Variants in CRYBG1 observed in about 807,000 individuals in gnomAD.
CRYBG1 encodes crystallin beta-gamma domain containing 1.
In CRYBG1, 139 loss-of-function variants were observed where a neutral mutation model predicts 189.2. The observed-to-expected ratio is 0.73, with a 90% CI of 0.64 to 0.85. CRYBG1 has a LOEUF of 0.85. Ranked by LOEUF, CRYBG1 falls within the 40% of genes least tolerant of loss-of-function variation. The pLI is 0.00. For synonymous variants in CRYBG1, 1,023 were observed against 1,017.1 expected (o/e 1.01, Z -0.11); for missense variants, 2,611 against 2,675.8 (o/e 0.98, Z 0.53).
chr6:106,541,454 C>G (rs1774128336), intron 9 of CRYBG1, 132 bp from the exon 10 acceptor site: 6 of 866,710 alleles, frequency 6.9e-6, no homozygotes, highest in Non-Finnish European at 1.2e-5. Context: ...TTAGAACTAT[C>G]TCACGTAAGT....
intron 1 of CRYBG1, among the ~76,000 whole-genome samples, chr6:106,367,223 A>T (rs1256761480): frequency 1.3e-5 from 2 of 152,020 alleles, no homozygotes; most frequent in African/African-American, 4.8e-5. Flanking sequence ...AGTGACATAA[A>T]CCCTTTTGGG....
At position 106,512,524 on chromosome 6, in the gene CRYBG1, T is replaced by G. The variant is rs1773304493; in HGVS notation, c.1407T>G (p.Ser469=). The G allele has an allele frequency of 6.2e-7, 1 of 1,609,736 alleles. No individual in the cohort carries two copies. The highest frequency in any genetic ancestry group is 8.5e-7 in the Non-Finnish European group (1 of 1,178,606). The stretch of plus-strand genomic sequence containing the variant: ...CCTCGGCGGAAAAGAAAGTGAAATC[T>G]CCGCGGGCAGCCCTCGACGGGGGCG... ...DNASAEKKVK[S]PRAALDGGVA... The change falls in exon 3 of 22, where the codon TCT becomes TCG. Residue 469 remains serine (S), a synonymous_variant. Coordinates refer to ENST00000633556, the MANE Select transcript of CRYBG1 (RefSeq NM_001371242.2).
intron 1 of CRYBG1, among the ~76,000 whole-genome samples, chr6:106,426,622 C>T (rs1220891818): frequency 6.6e-6 from 1 of 152,094 alleles, no homozygotes; most frequent in East Asian, 1.9e-4. Flanking sequence ...TATTTCTTGC[C>T]TGGGTTCTAG....
intron 1 of CRYBG1, among the ~76,000 whole-genome samples, chr6:106,433,613 A>G (rs933345059): frequency 2.0e-5 from 3 of 151,464 alleles, no homozygotes; most frequent in Admixed American, 6.6e-5. Flanking sequence ...GAAGTTCATG[A>G]TATTTCTGGG....
intron 2 of CRYBG1, among the ~76,000 whole-genome samples, chr6:106,496,350 A>C (rs544320430): frequency 4.6e-5 from 7 of 152,336 alleles, no homozygotes; most frequent in South Asian, 4.1e-4. Flanking sequence ...ATAGTTTAAT[A>C]CTTAACACTT....
intron 2 of CRYBG1, among the ~76,000 whole-genome samples, chr6:106,466,631 T>C (rs1213186577): frequency 1.3e-5 from 2 of 152,214 alleles, no homozygotes; most frequent in African/African-American, 4.8e-5. Flanking sequence ...ATTTTATTTA[T>C]GAATAAAGGA....
Position 106,527,460 on chromosome 6 carries a change from A to G in CRYBG1, c.4568A>G (p.His1523Arg), listed in dbSNP as rs778943531. 19 of 1,611,188 alleles carry G rather than the reference A, an allele frequency of 1.2e-5. No homozygotes were observed. Among genetic ancestry groups the G allele is most frequent in the Non-Finnish European group, 1.6e-5 (19 of 1,178,406 alleles). Reference protein sequence around the residue: ...DKPVVIGSIRHVVQDYRVSHI... With the variant: ...DKPVVIGSIRRVVQDYRVSHI... ...CCAGTGGTGATTGGTTCCATCAGAC[A>G]TGTGGTTCAGGTAGGTTGTGGTAAA... The change falls in exon 7 of 22, where the codon CAT becomes CGT. Residue 1523 changes from histidine (H) to arginine (R), a missense_variant. By Grantham distance (29) the His-to-Arg change is conservative. This residue lies in a region of CRYBG1 where 1,622 missense variants were observed against 1,735.0 expected (regional missense o/e 0.93). Transcript: ENST00000633556.
rs775322869 is a variant in CRYBG1, at chr6:106,451,710, G to A, written c.190G>A (p.Asp64Asn). ...TCTTTGCAGAGCTTTGGATGTAGTCGATGGAAAATATGTGGTTCGAGACTC... is the reference window on the plus strand; with the variant it reads ...TCTTTGCAGAGCTTTGGATGTAGTCAATGGAAAATATGTGGTTCGAGACTC... ...AGEARALDVV[D>N]GKYVVRDSQE... Residue 64 changes from aspartate to asparagine, a missense_variant, in exon 2 of 22, where the codon GAT (aspartate) becomes AAT (asparagine). Physicochemically the swap from Asp to Asn is conservative, Grantham distance 23. This residue lies in a region of CRYBG1 where 985 missense variants were observed against 924.4 expected (regional missense o/e 1.07). Transcript: ENST00000633556. The A allele has an allele frequency of 2.5e-5, 38 of 1,533,366 alleles. No individual in the cohort carries two copies. The highest frequency in any genetic ancestry group is 1.6e-4 in the South Asian group (13 of 83,696). 95.0% of individuals were successfully genotyped at this position (1,533,366 alleles called of 1,614,324 possible).
At chr6:106,551,762 A>C in intron 13 of CRYBG1, 90 bp from the exon 14 acceptor site, 1 of 1,401,486 alleles carries the variant, frequency 7.1e-7, no homozygotes, top group Non-Finnish European at 9.9e-7. Context: ...AAACAAATGA[A>C]AGTTTCTGTA....
rs1012875756 is a variant in CRYBG1, at chr6:106,481,264, G to A, written c.312+29432G>A. Among the ~76,000 whole-genome samples, 4 of 150,388 alleles carry A rather than the reference G, an allele frequency of 2.7e-5. 1 individual carries two copies. The highest frequency in any genetic ancestry group is 5.9e-5 in the Non-Finnish European group (4 of 67,696). ...GCTGGGATTACAGGCGTGAGCCACC[G>A]CGCCCGGCCGAGACTCTGTCTTAAG... On this transcript the variant is annotated intron_variant, in intron 2 of 21. Coordinates refer to ENST00000633556, the MANE Select transcript of CRYBG1 (RefSeq NM_001371242.2).
At chr6:106,417,366 C>T (rs1466642652) in intron 1 of CRYBG1, among the ~76,000 whole-genome samples, 4 of 152,038 alleles carry the variant, frequency 2.6e-5, no homozygotes, top group African/African-American at 9.7e-5. Flanking sequence ...AGGCAAGTGG[C>T]CTGAGGGTGA....
chr6:106,430,837 A>T (rs187430287), intron 1 of CRYBG1, among the ~76,000 whole-genome samples: 6 of 152,124 alleles, frequency 3.9e-5, no homozygotes, highest in Non-Finnish European at 8.8e-5. Flanking sequence ...CAGTACAGAG[A>T]GGGGGCAATT....
intron 20 of CRYBG1, 31 bp downstream of exon 20, chr6:106,561,531 A>C: frequency 6.3e-7 from 1 of 1,596,212 alleles, no homozygotes; most frequent in South Asian, 1.1e-5. Flanking sequence ...GGGGCCTGTG[A>C]TGGCTTTGCT....
chr6:106,423,173 T>C (rs376116971), intron 1 of CRYBG1, among the ~76,000 whole-genome samples: 7 of 152,014 alleles, frequency 4.6e-5, no homozygotes, highest in African/African-American at 1.7e-4. Flanking sequence ...CACAGTTGGG[T>C]TGAAATAGTA....
rs1399719382 is a variant in CRYBG1 at position 106,560,920 on chromosome 6, T to C, written c.5973T>C (p.Phe1991=). Residue 1991 remains phenylalanine, a synonymous_variant, in exon 19 of 22, where the codon TTT becomes TTC. Transcript: ENST00000633556. ...GCRQIGSLRP[F]VQKRIYFRLR... Reference sequence around the variant, plus strand: ...GCCAAATAGGTTCTCTACGACCTTTTGTTCAGGTATTTTCTTCCTCTCCAT... The same window carrying C: ...GCCAAATAGGTTCTCTACGACCTTTCGTTCAGGTATTTTCTTCCTCTCCAT... 6.2e-7 allele frequency: 1 copy of C among 1,603,010 alleles called. No individual in the cohort carries two copies. Among genetic ancestry groups the C allele is most frequent in the Non-Finnish European group, 8.5e-7 (1 of 1,175,060 alleles).
At chr6:106,518,938 G>A (rs1306861658) in intron 3 of CRYBG1, among the ~76,000 whole-genome samples, 193 bp from the exon 4 acceptor site, 1 of 151,004 alleles carries the variant, frequency 6.6e-6, no homozygotes, top group Non-Finnish European at 1.5e-5. Context: ...CAGTCTTGGC[G>A]ACAGAGCAAG....
chr6:106,423,251 G>GTTTT (rs5878887), intron 1 of CRYBG1, among the ~76,000 whole-genome samples: 133 of 80,844 alleles, frequency 1.6e-3, no homozygotes, highest in East Asian at 3.0e-3. Context: ...GAGTTGGCTG[G>GTTTT]TTTTTTTTTT....
intron 2 of CRYBG1, among the ~76,000 whole-genome samples, chr6:106,460,016 T>TTTTG (rs556511754): frequency 2.4e-4 from 36 of 151,760 alleles, no homozygotes; most frequent in Admixed American, 4.6e-4. Flanking sequence ...GCTCTTTTGT[T>TTTTG]TTTGTTTGTT....
chr6:106,362,090 C>G (rs965841956), intron 1 of CRYBG1, among the ~76,000 whole-genome samples: 5 of 150,382 alleles, frequency 3.3e-5, no homozygotes, highest in Admixed American at 6.6e-5. Context: ...CCTGCCTCAG[C>G]CCCCGAGTAG....
Sources: gnomAD v4.1 joint callset for allele counts (sites outside exome capture counted in the v4.1 genomes callset) on GRCh38, gnomAD v4.1.1 for gene constraint, gnomAD v4.1.1 regional missense constraint, MANE v1.5 for transcripts, NCBI Gene and HGNC (gene_info 2026-07-23, HGNC 2026-07-21) for gene names.